THSD7B: variants seen among roughly 807,000 people sequenced by gnomAD.
The protein encoded by THSD7B is thrombospondin type-1 domain-containing protein 7B.
In THSD7B, 138 loss-of-function variants were observed where a neutral mutation model predicts 213.6. That is an observed-to-expected ratio of 0.65 (90% CI 0.56 to 0.74). The LOEUF (loss-of-function observed/expected upper bound fraction) is 0.74. Among genes scored for constraint, THSD7B ranks in the 30% least tolerant of loss-of-function variants. THSD7B has a pLI of 0.00. For synonymous variants in THSD7B, 742 were observed against 687.0 expected (o/e 1.08, Z -1.25); for missense variants, 1,931 against 1,991.5 (o/e 0.97, Z 0.58).
intron 2 of THSD7B, among the ~76,000 whole-genome samples, chr2:136,945,147 A>G (rs1558862379): frequency 2.0e-5 from 3 of 152,226 alleles, no homozygotes; most frequent in East Asian, 3.9e-4. Flanking sequence ...TTCACTTCTG[A>G]AGCTTAGTTT....
intron 1 of THSD7B, among the ~76,000 whole-genome samples, chr2:136,851,946 T>TAA (rs1033957714): frequency 2.0e-5 from 3 of 151,482 alleles, no homozygotes; most frequent in African/African-American, 7.3e-5. Flanking sequence ...TATATATATA[T>TAA]ATATTTGTAG....
chr2:137,053,832 A>G (rs933754095), intron 2 of THSD7B, among the ~76,000 whole-genome samples: 11 of 152,206 alleles, frequency 7.2e-5, no homozygotes, highest in African/African-American at 2.7e-4. Context: ...CTACAAAAAA[A>G]AATTTCCTTT....
chr2:136,804,758 C>T (rs1682253978), intron 1 of THSD7B, among the ~76,000 whole-genome samples: 1 of 152,078 alleles, frequency 6.6e-6, no homozygotes, highest in Admixed American at 6.6e-5. Context: ...CATTTGGGTA[C>T]TTCAAAAATC....
intron 14 of THSD7B, among the ~76,000 whole-genome samples, chr2:137,427,814 G>A (rs904159341): frequency 1.3e-5 from 2 of 152,102 alleles, no homozygotes; most frequent in African/African-American, 4.8e-5. Context: ...GAAATTCTCT[G>A]TGAGAGAAAA....
chr2:137,404,878 G>A (rs985603463), intron 12 of THSD7B, among the ~76,000 whole-genome samples: 2 of 151,868 alleles, frequency 1.3e-5, no homozygotes, highest in African/African-American at 4.8e-5. Flanking sequence ...GGGGGTGAGG[G>A]ATAAAAGACA....
intron 12 of THSD7B, among the ~76,000 whole-genome samples, chr2:137,403,864 G>A (rs1406493365): frequency 6.6e-6 from 1 of 152,164 alleles, no homozygotes; most frequent in Non-Finnish European, 1.5e-5. Flanking sequence ...GGCATCTAAT[G>A]GGTAGAGGCC....
chr2:137,502,971 C>T (rs996969860), intron 15 of THSD7B, among the ~76,000 whole-genome samples: 6 of 152,150 alleles, frequency 3.9e-5, no homozygotes, highest in Non-Finnish European at 8.8e-5. Context: ...GTCATTACTG[C>T]ATATTACATA....
intron 17 of THSD7B, among the ~76,000 whole-genome samples, chr2:137,586,130 C>A (rs577573706): frequency 6.6e-6 from 1 of 152,186 alleles, no homozygotes; most frequent in Admixed American, 6.5e-5. Context: ...GGTTTAAAGT[C>A]TGTTTTATCA....
At chr2:137,556,900 TG>T (rs1348373530) in intron 15 of THSD7B, among the ~76,000 whole-genome samples, 6 of 152,138 alleles carry the variant, frequency 3.9e-5, no homozygotes, top group Admixed American at 3.3e-4. Context: ...TCCTAGTCTC[TG>T]ATAAAACAGA....
chr2:137,157,444 G>A (rs77455969), intron 5 of THSD7B, among the ~76,000 whole-genome samples: 3,595 of 152,198 alleles, frequency 0.024, 164 homozygotes, highest in African/African-American at 0.081. Context: ...AGCAAAGCCG[G>A]GGCTGTTTTG....
Position 137,655,581 on chromosome 2 carries a change from A to C in THSD7B, c.4026A>C (p.Gly1342=). The change falls in exon 22 of 28, where the codon GGA becomes GGC. Residue 1342 remains glycine, a synonymous_variant. Transcript: ENST00000409968. ...GTGGTTCAATATCTCATGCAGCTGG[A>C]CGTGTCGAGGATGCACTGTGTGGAG... ...VHSGSISHAA[G]RVEDALCGEM... The C allele has an allele frequency of 6.2e-7, 1 of 1,612,878 alleles. No individual in the cohort carries two copies. The highest frequency in any genetic ancestry group is 8.5e-7 in the Non-Finnish European group (1 of 1,179,492).
At chr2:137,501,001 G>A (rs927020190) in intron 15 of THSD7B, among the ~76,000 whole-genome samples, 2 of 152,114 alleles carry the variant, frequency 1.3e-5, no homozygotes, top group African/African-American at 4.8e-5. Context: ...TGTTAGATTT[G>A]TAAGATTAAG....
intron 4 of THSD7B, among the ~76,000 whole-genome samples, chr2:137,113,646 A>G (rs994565425): frequency 6.6e-6 from 1 of 152,102 alleles, no homozygotes; most frequent in Non-Finnish European, 1.5e-5. Context: ...CATGTTGGCC[A>G]GGCTGGTCTC....
intron 9 of THSD7B, among the ~76,000 whole-genome samples, chr2:137,239,581 A>G (rs1287194879): frequency 6.6e-6 from 1 of 152,216 alleles, no homozygotes; most frequent in African/African-American, 2.4e-5. Context: ...TTTTCACAGA[A>G]GAGCCATGTA....
chr2:136,793,501 A>G (rs1231116158), intron 1 of THSD7B, among the ~76,000 whole-genome samples: 1 of 151,960 alleles, frequency 6.6e-6, no homozygotes, highest in African/African-American at 2.4e-5. Flanking sequence ...GCTTTGTTTA[A>G]TGGCATCTTT....
chr2:137,660,481 G>T (rs16839276), intron 25 of THSD7B, among the ~76,000 whole-genome samples: 1 of 151,980 alleles, frequency 6.6e-6, no homozygotes. Flanking sequence ...AATCAAGATG[G>T]GTTAATTCTT....
intron 1 of THSD7B, among the ~76,000 whole-genome samples, chr2:136,872,573 TTCTC>T (rs956278006): frequency 2.7e-5 from 4 of 148,784 alleles, no homozygotes; most frequent in Non-Finnish European, 5.9e-5. Context: ...CTTTTCTTCT[TTCTC>T]TTTCTTTTTC....
intron 20 of THSD7B, among the ~76,000 whole-genome samples, chr2:137,633,769 G>A (rs1682784261): frequency 6.6e-6 from 1 of 152,046 alleles, no homozygotes; most frequent in Admixed American, 6.6e-5. Context: ...GCAGGATAAG[G>A]AAGAGAAAAA....
At chr2:137,334,473 C>T (rs1386386584) in intron 12 of THSD7B, among the ~76,000 whole-genome samples, 1 of 152,150 alleles carries the variant, frequency 6.6e-6, no homozygotes, top group African/African-American at 2.4e-5. Context: ...TCTGTCACCT[C>T]ATGTGACTTG....
Sources: gnomAD v4.1 joint callset for allele counts (sites outside exome capture counted in the v4.1 genomes callset) on GRCh38, gnomAD v4.1.1 for gene constraint, MANE v1.5 for transcripts, NCBI Gene and HGNC (gene_info 2026-07-23, HGNC 2026-07-21) for gene names.